PDSS2: variants seen among roughly 807,000 people sequenced by gnomAD.
PDSS2 encodes the protein decaprenyl diphosphate synthase subunit 2.
In PDSS2, 31 loss-of-function variants were observed where a neutral mutation model predicts 44.5. The observed-to-expected ratio is 0.70, with a 90% CI of 0.52 to 0.94. PDSS2 has a LOEUF of 0.94. PDSS2 is among the 40% of genes least tolerant of loss of function. The pLI, the probability that PDSS2 is intolerant of heterozygous loss-of-function variation, is 0.00. For missense variants in PDSS2, 452 were observed against 482.2 expected (o/e 0.94, Z 0.59); for synonymous variants, 157 against 180.3 (o/e 0.87, Z 1.03).
chr6:107,166,425 C>T (rs1302581999), intron 7 of PDSS2, among the ~76,000 whole-genome samples: 2 of 136,142 alleles, frequency 1.5e-5, no homozygotes, highest in Non-Finnish European at 3.0e-5. Flanking sequence ...AGTGCAGTGG[C>T]GTGATCTCGG....
intron 7 of PDSS2, chr6:107,192,447 G>A (rs1047375473): frequency 6.3e-6 from 3 of 474,430 alleles, no homozygotes; most frequent in African/African-American, 6.1e-5. Context: ...CTTAACTGGG[G>A]AGAAAAGACC....
chr6:107,344,384 A>G (rs1778173528), intron 1 of PDSS2, among the ~76,000 whole-genome samples: 1 of 148,124 alleles, frequency 6.8e-6, no homozygotes, highest in African/African-American at 2.4e-5. Context: ...AAATGACCCA[A>G]AATGTATTAT....
At chr6:107,373,948 T>G (rs1340775927) in intron 1 of PDSS2, among the ~76,000 whole-genome samples, 1 of 152,194 alleles carries the variant, frequency 6.6e-6, no homozygotes, top group East Asian at 1.9e-4. Flanking sequence ...AGAAGGATCC[T>G]GTGAACATCT....
intron 1 of PDSS2, among the ~76,000 whole-genome samples, chr6:107,368,009 G>T (rs981246660): frequency 2.6e-5 from 4 of 151,968 alleles, no homozygotes; most frequent in Non-Finnish European, 4.4e-5. Flanking sequence ...GGTGGCTCAC[G>T]CCCGTAATCC....
intron 1 of PDSS2, among the ~76,000 whole-genome samples, chr6:107,355,910 C>G (rs1701613483): frequency 6.6e-6 from 1 of 152,188 alleles, no homozygotes; most frequent in Non-Finnish European, 1.5e-5. Context: ...AAGAAAACAC[C>G]AGAGAGACTG....
chr6:107,272,679 T>C (rs760974991), intron 3 of PDSS2, among the ~76,000 whole-genome samples: 1 of 152,186 alleles, frequency 6.6e-6, no homozygotes, highest in Non-Finnish European at 1.5e-5. Flanking sequence ...ATTGGCAATA[T>C]GTATCAAGAA....
chr6:107,246,341 A>C (rs1358239537), intron 3 of PDSS2, among the ~76,000 whole-genome samples: 2 of 152,220 alleles, frequency 1.3e-5, no homozygotes, highest in African/African-American at 4.8e-5. Context: ...GTTTGCATAA[A>C]GCATCTTAAT....
At chr6:107,282,215 G>T (rs4363064) in intron 2 of PDSS2, among the ~76,000 whole-genome samples, 146,547 of 152,222 alleles carry the variant, frequency 0.96, 70,771 homozygotes, top group East Asian at 1. Context: ...CACCATTAAT[G>T]TATAAAGGCT....
intron 1 of PDSS2, among the ~76,000 whole-genome samples, chr6:107,361,416 G>T (rs1778768442): frequency 6.6e-6 from 1 of 152,190 alleles, no homozygotes; most frequent in African/African-American, 2.4e-5. Flanking sequence ...TACAGAGGAA[G>T]AGAGCTCTGA....
intron 1 of PDSS2, among the ~76,000 whole-genome samples, chr6:107,359,999 C>G (rs1272037764): frequency 6.6e-6 from 1 of 152,122 alleles, no homozygotes; most frequent in Non-Finnish European, 1.5e-5. Flanking sequence ...TGTCCAGAAG[C>G]TAGCCATTCA....
chr6:107,181,260 C>T (rs949583774), intron 7 of PDSS2, among the ~76,000 whole-genome samples: 13 of 152,140 alleles, frequency 8.5e-5, no homozygotes, highest in South Asian at 4.1e-4. Flanking sequence ...TGGGGCCGGG[C>T]GCAGTGGCTC....
intron 2 of PDSS2, among the ~76,000 whole-genome samples, chr6:107,298,829 A>G (rs1425032664): frequency 1.3e-5 from 2 of 152,172 alleles, no homozygotes; most frequent in Non-Finnish European, 2.9e-5. Flanking sequence ...TCCATAGCAA[A>G]TGAAGTTAAC....
chr6:107,364,631 A>T (rs1243167475), intron 1 of PDSS2, among the ~76,000 whole-genome samples: 1 of 152,086 alleles, frequency 6.6e-6, no homozygotes, highest in Non-Finnish European at 1.5e-5. Flanking sequence ...CTCTCCCTCC[A>T]CACCTCCCTG....
chr6:107,233,448 A>G (rs551933506), intron 4 of PDSS2, among the ~76,000 whole-genome samples: 1 of 152,286 alleles, frequency 6.6e-6, no homozygotes, highest in South Asian at 2.1e-4. Flanking sequence ...ACTAATATAC[A>G]CTTTACCAAA....
At chr6:107,385,069 T>C (rs529947430) in intron 1 of PDSS2, among the ~76,000 whole-genome samples, 2 of 152,346 alleles carry the variant, frequency 1.3e-5, no homozygotes, top group East Asian at 1.9e-4. Flanking sequence ...GAAGTACTTT[T>C]ATAGCAAGGC....
intron 1 of PDSS2, among the ~76,000 whole-genome samples, chr6:107,452,504 T>C (rs534662895): frequency 6.6e-5 from 10 of 152,192 alleles, no homozygotes; most frequent in African/African-American, 2.4e-4. Flanking sequence ...AGTTCTGGGA[T>C]TACAGGCATG....
intron 4 of PDSS2, among the ~76,000 whole-genome samples, chr6:107,222,516 C>T (rs370105723): frequency 6.6e-6 from 1 of 151,790 alleles, no homozygotes; most frequent in African/African-American, 2.4e-5. Flanking sequence ...ATTAGCTGGG[C>T]GTGGTGGCAG....
At chr6:107,180,168 T>C (rs2114447455) in intron 7 of PDSS2, among the ~76,000 whole-genome samples, 1 of 152,276 alleles carries the variant, frequency 6.6e-6, no homozygotes, top group Non-Finnish European at 1.5e-5. Flanking sequence ...GGCTTTTCTA[T>C]AGGGACAGAG....
chr6:107,266,224 T>C (rs1171079429), intron 3 of PDSS2, among the ~76,000 whole-genome samples: 1 of 152,202 alleles, frequency 6.6e-6, no homozygotes, highest in Non-Finnish European at 1.5e-5. Context: ...TCAAGAACTT[T>C]AGTAATTCAC....
Sources: gnomAD v4.1 joint callset for allele counts (sites outside exome capture counted in the v4.1 genomes callset) on GRCh38, gnomAD v4.1.1 for gene constraint, MANE v1.5 for transcripts, NCBI Gene and HGNC (gene_info 2026-07-23, HGNC 2026-07-21) for gene names.